Variants in TECR observed in about 807,000 individuals in gnomAD.
TECR encodes the protein trans-2,3-enoyl-CoA reductase.
TECR carries 19 observed loss-of-function variants against 50.6 expected under a neutral mutation model. The ratio of observed to expected loss-of-function variants is 0.38; its 90% confidence interval spans 0.26 to 0.55. The LOEUF (loss-of-function observed/expected upper bound fraction) is 0.55, where lower values mean the gene tolerates loss of function less well. Ranked by LOEUF, TECR falls within the 20% of genes least tolerant of loss-of-function variation. TECR has a pLI of 0.79. For missense variants in TECR, 313 were observed against 408.3 expected, an observed-to-expected ratio of 0.77 and a Z score of 2.01; for synonymous variants, 168 against 163.5, an observed-to-expected ratio of 1.03 and a Z score of -0.21.
At chr19:14,534,346 G>T (rs1214583979) in intron 1 of TECR, among the ~76,000 whole-genome samples, 2 of 146,948 alleles carry the variant, frequency 1.4e-5, no homozygotes, top group Admixed American at 6.8e-5. Context: ...GGATGGTCTC[G>T]ATCTCCTGAC....
At chr19:14,550,616 T>C (rs756463510) in intron 1 of TECR, among the ~76,000 whole-genome samples, 1 of 152,054 alleles carries the variant, frequency 6.6e-6, no homozygotes, top group Non-Finnish European at 1.5e-5. Context: ...CCTGGGGAGT[T>C]GAGTGTTTGG....
intron 1 of TECR, among the ~76,000 whole-genome samples, chr19:14,543,420 T>TATA (rs1491174243): frequency 1.8e-4 from 1 of 5,520 alleles, no homozygotes; most frequent in African/African-American, 5.0e-4. Context: ...TATATATATA[T>TATA]TTTTTTTTTT....
rs1257524260 is a variant in TECR, at chr19:14,546,994, C to CT, written c.16-15530dup. On this transcript the variant is annotated intron_variant, in intron 1 of 12. Transcript: ENST00000215567. ...ACAGGCATGAGCCACTGCACCCAGC[C>CT]TAAAAATTAAATTTCAATTTGATCA... Among the ~76,000 whole-genome samples, 3 of 152,092 alleles carry CT rather than the reference C, an allele frequency of 2.0e-5. No individual in the cohort carries two copies. The South Asian group carries it at 6.2e-4, about 31-fold the overall frequency.
chr19:14,535,008 C>G (rs1374870027), intron 1 of TECR, among the ~76,000 whole-genome samples: 2 of 152,074 alleles, frequency 1.3e-5, no homozygotes. Flanking sequence ...TCAGTGTGGA[C>G]TGCTGGGAGA....
Position 14,563,661 on chromosome 19 carries a change from C to T in TECR, c.122C>T (p.Pro41Leu), listed in dbSNP as rs757998419. ...AACTGCCCTGTTCTCCCCGCAGATC[C>T]GCAGTGGTACCCCGCCCGCCAGTCC... ...EIKNLFTKTH[P>L]QWYPARQSLR... is the part of the protein sequence containing the mutation. The change falls in exon 4 of 13, where the codon CCG (proline) becomes CTG (leucine). Residue 41 changes from proline to leucine, a missense_variant. Coordinates refer to ENST00000215567, the MANE Select transcript of TECR (RefSeq NM_138501.6). This position sits in a 1 kb window ranked among gnomAD's most constrained non-coding sequence, Gnocchi z 5.3. The T allele has an allele frequency of 1.4e-5, 22 of 1,611,584 alleles. No homozygotes were observed. The highest frequency in any genetic ancestry group is 5.5e-5 in the South Asian group (5 of 91,046).
intron 1 of TECR, among the ~76,000 whole-genome samples, chr19:14,535,570 A>ATG (rs1568396610): frequency 4.9e-5 from 1 of 20,466 alleles, no homozygotes; most frequent in East Asian, 8.5e-4. Flanking sequence ...ATATATATAT[A>ATG]TATATATATA....
chr19:14,534,674 C>T (rs867068782), intron 1 of TECR, among the ~76,000 whole-genome samples: 4 of 152,078 alleles, frequency 2.6e-5, no homozygotes, highest in Non-Finnish European at 4.4e-5. Context: ...TGGGCTCAAG[C>T]GATCCTCCTG....
At chr19:14,549,671 G>A (rs112590007) in intron 1 of TECR, among the ~76,000 whole-genome samples, 2 of 151,768 alleles carry the variant, frequency 1.3e-5, no homozygotes, top group Non-Finnish European at 2.9e-5. Flanking sequence ...TAGGCCAGGC[G>A]CAGTGGCTCA....
chr19:14,554,833 C>T (rs2073661498), intron 1 of TECR, among the ~76,000 whole-genome samples: 1 of 151,994 alleles, frequency 6.6e-6, no homozygotes, highest in Non-Finnish European at 1.5e-5. Flanking sequence ...GGTTGGAGTG[C>T]AGTGGCCTGA....
intron 1 of TECR, among the ~76,000 whole-genome samples, chr19:14,537,418 G>C (rs2146564636): frequency 6.6e-6 from 1 of 150,712 alleles, no homozygotes; most frequent in African/African-American, 2.4e-5. Flanking sequence ...GCTGGGCCCA[G>C]CAAAGCCTTC....
At chr19:14,529,398 C>A, upstream of TECR, 2 of 570,772 alleles carry the variant, frequency 3.5e-6, no homozygotes, top group South Asian at 3.9e-5. Context: ...TGGTCAAGCC[C>A]CTTCTCTTTA....
rs754786306 is a variant in TECR at position 14,565,275 on chromosome 19, C to G, written c.738C>G (p.Pro246=). ...GGCTCTTCCTGCTGGTGTCCTGCCC[C>G]AACTACACCTACGAGGTGAGGGGCT... is the stretch of plus-strand genomic sequence containing the variant. The part of the protein sequence containing the change: ...FTWLFLLVSC[P]NYTYEVGSWI... The change falls in exon 11 of 13, where the codon CCC becomes CCG. Residue 246 remains proline, a synonymous_variant. Transcript: ENST00000215567. 3 of 1,613,428 alleles carry G rather than the reference C, an allele frequency of 1.9e-6. No individual in the cohort carries two copies. In the African/African-American group the frequency reaches 4.0e-5, roughly 22 times the overall value.
intron 1 of TECR, among the ~76,000 whole-genome samples, chr19:14,557,116 T>TAATTA (rs1568422129): frequency 8.2e-5 from 11 of 133,888 alleles, no homozygotes; most frequent in African/African-American, 3.2e-4. Context: ...GGTCTAATCT[T>TAATTA]ATTTATTTAT....
intron 1 of TECR, among the ~76,000 whole-genome samples, chr19:14,544,076 G>A (rs750098083): frequency 6.6e-6 from 1 of 152,032 alleles, no homozygotes; most frequent in South Asian, 2.1e-4. Flanking sequence ...CCAGGGGTGG[G>A]GGATCCACAG....
chr19:14,564,842 T>C lies in TECR; in HGVS notation c.546T>C (p.Pro182=). Residue 182 remains proline, a synonymous_variant, in exon 8 of 13, where the codon CCT becomes CCC. Coordinates refer to ENST00000215567, the MANE Select transcript of TECR (RefSeq NM_138501.6). ...AAWMAYYINH[P]LYTPPTYGAQ... ...GGATGGCCTATTACATCAATCACCC[T>C]CTCTACACTCCCCCTAGTAAGTGGC... 1 of 1,613,748 alleles carries C rather than the reference T, an allele frequency of 6.2e-7. No individual in the cohort carries two copies. The highest frequency in any genetic ancestry group is 8.5e-7 in the Non-Finnish European group (1 of 1,179,964).
intron 1 of TECR, among the ~76,000 whole-genome samples, chr19:14,560,611 G>A (rs1296919988): frequency 6.6e-6 from 1 of 152,136 alleles, no homozygotes; most frequent in Non-Finnish European, 1.5e-5. Context: ...CCTTGTTATC[G>A]CTGTGGCTTG....
chr19:14,561,712 C>T (rs2073908280), intron 1 of TECR, among the ~76,000 whole-genome samples: 2 of 152,314 alleles, frequency 1.3e-5, no homozygotes, highest in East Asian at 3.9e-4. Context: ...AACTTCCACA[C>T]ACCCCGATCC....
intron 1 of TECR, among the ~76,000 whole-genome samples, chr19:14,550,675 C>CA (rs2073468296): frequency 6.6e-6 from 1 of 152,064 alleles, no homozygotes; most frequent in Middle Eastern, 3.2e-3. Context: ...CCAGGAGTGT[C>CA]AGTTTTTTGG....
chr19:14,565,440 G>GT, intron 11 of TECR, 150 bp downstream of exon 11: 1 of 1,339,758 alleles, frequency 7.5e-7, no homozygotes, highest in Non-Finnish European at 1.0e-6. Flanking sequence ...CTCTGCTGTG[G>GT]TGGCGGGGAG....
Sources: allele counts gnomAD v4.1 joint callset (sites outside exome capture counted in the v4.1 genomes callset), GRCh38; gene constraint gnomAD v4.1.1; non-coding constraint Gnocchi (gnomAD v3.1); transcripts MANE v1.5; gene names NCBI Gene and HGNC (gene_info 2026-07-23, HGNC 2026-07-21).